ARHGAP27: variants seen among roughly 807,000 people sequenced by gnomAD.
ARHGAP27 encodes the protein rho GTPase-activating protein 27.
ARHGAP27 carries 53 observed loss-of-function variants against 102.0 expected under a neutral mutation model. The observed-to-expected ratio is 0.52, with a 90% CI of 0.42 to 0.65. ARHGAP27 has a LOEUF of 0.65. Among genes scored for constraint, ARHGAP27 ranks in the 30% least tolerant of loss-of-function variants. ARHGAP27 has a pLI of 0.00. For synonymous variants in ARHGAP27, 525 were observed against 542.8 expected, an observed-to-expected ratio of 0.97 and a Z score of 0.46; for missense variants, 1,117 against 1,256.2, an observed-to-expected ratio of 0.89 and a Z score of 1.68.
At position 45,429,922 on chromosome 17, in the gene ARHGAP27, G is replaced by A; in HGVS notation, c.358C>T (p.Leu120=). The A allele has an allele frequency of 3.5e-6, 4 of 1,141,882 alleles. No homozygotes were observed. Among genetic ancestry groups the A allele is most frequent in the Non-Finnish European group, 4.3e-6 (4 of 932,706 alleles). The allele number at this position is 1,141,882 out of a possible 1,614,324, so 70.7% of individuals were successfully genotyped here. The part of the protein sequence containing the change: ...PEESGGRASS[L]CGPAQRGAAT... The stretch of plus-strand genomic sequence containing the variant: ...GCGCCGCGTTGCGCAGGGCCGCACA[G>A]GGAGCTGGCTCGGCCTCCGGACTCC... Residue 120 remains leucine, a synonymous_variant, in exon 4 of 20, where the codon CTG becomes TTG. Coordinates refer to ENST00000685559, the MANE Select transcript of ARHGAP27 (RefSeq NM_001282290.2).
chr17:45,395,353 C>A lies in ARHGAP27; in HGVS notation c.*103G>T. Reference sequence around the variant, plus strand: ...GAAGTCACACCGGCCTGCGGCTATGCGCTGGCGGAGGGTCCCAGAGAGAAG... The same window carrying A: ...GAAGTCACACCGGCCTGCGGCTATGAGCTGGCGGAGGGTCCCAGAGAGAAG... On this transcript the variant is annotated 3_prime_UTR_variant, in exon 20 of 20. Transcript: ENST00000685559. 2 of 1,382,348 alleles carry A rather than the reference C, an allele frequency of 1.4e-6. No individual in the cohort carries two copies. The highest frequency in any genetic ancestry group is 1.9e-6 in the Non-Finnish European group (2 of 1,035,076). 85.6% of individuals were successfully genotyped at this position (1,382,348 alleles called of 1,614,324 possible). A position where few individuals can be genotyped will look rare whatever the true frequency, so the allele number is the denominator to read the frequency against.
In ARHGAP27 at chr17:45,396,094, C is replaced by T. The variant is rs776025983; in HGVS notation, c.2275G>A (p.Gly759Arg). 6.2e-7 allele frequency: 1 copy of T among 1,613,134 alleles called. No individual in the cohort carries two copies. Among genetic ancestry groups the T allele is most frequent in the South Asian group, 1.1e-5 (1 of 91,008 alleles). Residue 759 changes from glycine (G) to arginine (R), a missense_variant, in exon 18 of 20, where the codon GGG becomes AGG. This residue lies in a region of ARHGAP27 where 493 missense variants were observed against 505.5 expected (regional missense o/e 0.98). Transcript: ENST00000685559. ...ATAACGTGGACGTCCTCCCAGCGCCCGTCATCCAGGTCAAGGCGCTCATCT... is the reference window on the plus strand; with the variant it reads ...ATAACGTGGACGTCCTCCCAGCGCCTGTCATCCAGGTCAAGGCGCTCATCT... ...DHDERLDLDD[G>R]RWEDVHVITG...
chr17:45,403,919 C>T, intron 10 of ARHGAP27, 110 bp downstream of exon 10: 2 of 1,275,324 alleles, frequency 1.6e-6, no homozygotes, highest in Admixed American at 3.9e-5. Context: ...CAGAGGACCA[C>T]TCACGAAGTT....
intron 4 of ARHGAP27, chr17:45,410,365 T>A: frequency 7.3e-7 from 1 of 1,378,880 alleles, no homozygotes; most frequent in South Asian, 1.6e-5. Flanking sequence ...ACCCCAGTGC[T>A]GGCACAGGGC....
Position 45,398,682 on chromosome 17 carries a change from C to T in ARHGAP27, c.1744-635G>A, listed in dbSNP as rs536158689. On this transcript the variant is annotated intron_variant, in intron 12 of 19. Transcript: ENST00000685559. ...CCGGGAAGCGGAGGTTACCGTGAGC[C>T]GAGATCATGCCACTGCACTTCACCC... 7.9e-5 allele frequency among the ~76,000 whole-genome samples: 12 copies of T among 151,422 alleles called. No individual in the cohort carries two copies. The South Asian group carries it at 1.5e-3, about 19-fold the overall frequency.
At position 45,404,799 on chromosome 17, in the gene ARHGAP27, C is replaced by G. The variant is rs556241861; in HGVS notation, c.1249-118G>C. ...AGTCTGGAGGGGCAGGTGCAGGTGA[C>G]TGTGTTTGGCTGGTTTAGGCTCTGT... On this transcript the variant is annotated intron_variant, in intron 6 of 19. Coordinates refer to ENST00000685559, the MANE Select transcript of ARHGAP27 (RefSeq NM_001282290.2). 5 of 1,513,534 alleles carry G rather than the reference C, an allele frequency of 3.3e-6. No homozygotes were observed. In the East Asian group the frequency reaches 1.2e-4, roughly 35 times the overall value. The allele number at this position is 1,513,534 out of a possible 1,614,324, so 93.8% of individuals were successfully genotyped here.
At chr17:45,400,858 T>A (rs1597778464) in intron 12 of ARHGAP27, among the ~76,000 whole-genome samples, 1 of 152,164 alleles carries the variant, frequency 6.6e-6, no homozygotes, top group Non-Finnish European at 1.5e-5. Flanking sequence ...GAGGTTGCAG[T>A]GAGCCAAGAT....
intron 4 of ARHGAP27, among the ~76,000 whole-genome samples, chr17:45,407,157 A>C (rs2047280103): frequency 6.6e-6 from 1 of 151,976 alleles, no homozygotes; most frequent in Non-Finnish European, 1.5e-5. Context: ...TGCTTCCACT[A>C]TTATTTCCTG....
chr17:45,396,677 A>G lies in ARHGAP27; in HGVS notation c.2065T>C (p.Tyr689His). The G allele has an allele frequency of 6.2e-7, 1 of 1,613,696 alleles. No individual in the cohort carries two copies. Among genetic ancestry groups the G allele is most frequent in the Non-Finnish European group, 8.5e-7 (1 of 1,179,724 alleles). Reference sequence around the variant, plus strand: ...CGCAGGCCTCGGGTACCTTTGATGTAGCCCTTCTCCCGCAGCGACTGCAGT... The same window carrying G: ...CGCAGGCCTCGGGTACCTTTGATGTGGCCCTTCTCCCGCAGCGACTGCAGT... Reference protein sequence around the residue: ...PTLQSLREKGYIKDQVFGCAL... With the variant: ...PTLQSLREKGHIKDQVFGCAL... The change falls in exon 15 of 20, where the codon TAC becomes CAC. Residue 689 changes from tyrosine (Y) to histidine (H), a missense_variant. Tyr to His is a moderately conservative substitution (Grantham distance 83). Transcript: ENST00000685559.
Position 45,430,430 on chromosome 17 carries a change from T to A in ARHGAP27, c.-18-133A>T. 1 of 1,328,440 alleles carries A rather than the reference T, an allele frequency of 7.5e-7. No individual in the cohort carries two copies. The highest frequency in any genetic ancestry group is 1.5e-5 in the South Asian group (1 of 67,032). The allele number at this position is 1,328,440 out of a possible 1,614,324, so 82.3% of individuals were successfully genotyped here. Reference sequence around the variant, plus strand: ...TCGCCTTCGGGCCTCAGTTTTCCCATCTCTAAAATGGGAACTTGCATAAAA... The same window carrying A: ...TCGCCTTCGGGCCTCAGTTTTCCCAACTCTAAAATGGGAACTTGCATAAAA... On this transcript the variant is annotated intron_variant, in intron 3 of 19. Transcript: ENST00000685559. The surrounding 1 kb of genome is among the most constrained non-coding windows in gnomAD (Gnocchi z 4.4).
chr17:45,395,900 T>G, intron 18 of ARHGAP27, 51 bp from the exon 19 acceptor site: 2 of 1,574,230 alleles, frequency 1.3e-6, no homozygotes, highest in Non-Finnish European at 1.7e-6. Flanking sequence ...AGGTAGGGGG[T>G]ATCGGCTGGG....
chr17:45,395,730 G>A lies in ARHGAP27; in HGVS notation c.2492+14C>T. 6.3e-7 allele frequency: 1 copy of A among 1,581,804 alleles called. No individual in the cohort carries two copies. The highest frequency in any genetic ancestry group is 8.6e-7 in the Non-Finnish European group (1 of 1,168,396). ...GACCTGCCTCCCCCTTCCCGCGCGG[G>A]CCGCCCGGCTCACCGGCAGAGGTGC... On this transcript the variant is annotated intron_variant, in intron 19 of 19. Transcript: ENST00000685559.
chr17:45,410,020 C>T (rs1166753443), intron 4 of ARHGAP27: 1 of 611,648 alleles, frequency 1.6e-6, no homozygotes, highest in Non-Finnish European at 2.8e-6. Context: ...TCTCCAGTTC[C>T]CTCCCCTGTC....
rs1454796006 is a variant in ARHGAP27 at position 45,395,403 on chromosome 17, C to A, written c.*53G>T. Reference sequence around the variant, plus strand: ...GAAGGCCCGGCTGCGTGGCCTCCGCCGCCCAGCTTGTGTGGCAGGACCGCG... The same window carrying A: ...GAAGGCCCGGCTGCGTGGCCTCCGCAGCCCAGCTTGTGTGGCAGGACCGCG... On this transcript the variant is annotated 3_prime_UTR_variant, in exon 20 of 20. Coordinates refer to ENST00000685559, the MANE Select transcript of ARHGAP27 (RefSeq NM_001282290.2). The A allele has an allele frequency of 1.3e-6, 2 of 1,515,872 alleles. No homozygotes were observed. 93.9% of individuals were successfully genotyped at this position (1,515,872 alleles called of 1,614,324 possible).
At chr17:45,401,903 G>T (rs1230127118) in intron 12 of ARHGAP27, among the ~76,000 whole-genome samples, 7 of 152,112 alleles carry the variant, frequency 4.6e-5, no homozygotes, top group Non-Finnish European at 8.8e-5. Flanking sequence ...TCTCTTACTT[G>T]TTTTTCATGG....
rs1192198575 is a variant in ARHGAP27 at position 45,405,073 on chromosome 17, G to T, written c.1099C>A (p.Leu367Met). The part of the protein sequence containing the change: ...PTPETDYPES[L>M]TSYPEEDYSP... ...TAGTCCTCCTCGGGGTAACTGGTCA[G>T]CGACTCGGGGTAGTCCGTCTCGGGA... Residue 367 changes from leucine (L) to methionine (M), a missense_variant, in exon 6 of 20, where the codon CTG becomes ATG. Transcript: ENST00000685559. The T allele has an allele frequency of 5.6e-6, 9 of 1,603,056 alleles. No homozygotes were observed. Among genetic ancestry groups the T allele is most frequent in the Non-Finnish European group, 6.8e-6 (8 of 1,173,646 alleles).
At chr17:45,412,010 G>A (rs755159447) in intron 4 of ARHGAP27, among the ~76,000 whole-genome samples, 2 of 152,142 alleles carry the variant, frequency 1.3e-5, no homozygotes, top group Non-Finnish European at 2.9e-5. Context: ...GGTAGCATGG[G>A]GGGCAGGGAC....
At position 45,418,053 on chromosome 17, in the gene ARHGAP27, A is replaced by T. The variant is rs958114548; in HGVS notation, c.657+11570T>A. On this transcript the variant is annotated intron_variant, in intron 4 of 19. Coordinates refer to ENST00000685559, the MANE Select transcript of ARHGAP27 (RefSeq NM_001282290.2). Reference sequence around the variant, plus strand: ...CTCTGTCTCAAAAAAAAAAAAAAAAAATTTTTTTACTTTTCTTCATGTTGG... The same window carrying T: ...CTCTGTCTCAAAAAAAAAAAAAAAATATTTTTTTACTTTTCTTCATGTTGG... Among the ~76,000 whole-genome samples the T allele has an allele frequency of 5.3e-4, 79 of 150,008 alleles. 1 individual carries two copies. The highest frequency in any genetic ancestry group is 1.4e-3 in the African/African-American group (57 of 41,036).
intron 4 of ARHGAP27, among the ~76,000 whole-genome samples, chr17:45,422,450 G>T (rs1454106384): frequency 6.6e-6 from 1 of 151,782 alleles, no homozygotes; most frequent in African/African-American, 2.4e-5. Flanking sequence ...ACATATACAA[G>T]AAATTAGTAG....
Sources: allele counts gnomAD v4.1 joint callset (sites outside exome capture counted in the v4.1 genomes callset), GRCh38; gene constraint gnomAD v4.1.1; regional missense constraint gnomAD v4.1.1; non-coding constraint Gnocchi (gnomAD v3.1); transcripts MANE v1.5; gene names NCBI Gene and HGNC (gene_info 2026-07-23, HGNC 2026-07-21).